Variants in HACE1 observed in about 807,000 individuals in gnomAD.
HACE1 encodes HECT domain and ankyrin repeat containing E3 ubiquitin protein ligase 1.
HACE1 carries 73 observed loss-of-function variants against 118.4 expected under a neutral mutation model. The observed-to-expected ratio is 0.62, with a 90% confidence interval of 0.51 to 0.75. The LOEUF is 0.75. Ranked by LOEUF, HACE1 falls within the 30% of genes least tolerant of loss-of-function variation. The pLI, the probability that HACE1 is intolerant of heterozygous loss-of-function variation, is 0.00. For missense variants in HACE1, 749 were observed against 1,102.2 expected (o/e 0.68, Z 4.54); for synonymous variants, 368 against 374.8 (o/e 0.98, Z 0.21).
intron 11 of HACE1, among the ~76,000 whole-genome samples, chr6:104,789,723 C>T (rs1782812849): frequency 6.6e-6 from 1 of 151,988 alleles, no homozygotes; most frequent in African/African-American, 2.4e-5. Flanking sequence ...TAATCTAACC[C>T]AATTTGAATA....
chr6:104,836,590 G>A (rs970185835), intron 5 of HACE1, among the ~76,000 whole-genome samples: 1 of 152,134 alleles, frequency 6.6e-6, no homozygotes, highest in African/African-American at 2.4e-5. Context: ...GCACACACCT[G>A]TAATCCCAGC....
chr6:104,838,530 A>G (rs1024285727), intron 5 of HACE1, among the ~76,000 whole-genome samples: 4 of 152,116 alleles, frequency 2.6e-5, no homozygotes, highest in African/African-American at 9.6e-5. Context: ...CTAGGCTCCT[A>G]TATCTCTTGC....
At chr6:104,730,931 T>C in intron 22 of HACE1, 1 of 156,494 alleles carries the variant, frequency 6.4e-6, no homozygotes. Flanking sequence ...TTTGTTTTGT[T>C]TTTTATAGTG....
chr6:104,789,863 A>G (rs1782830036), intron 11 of HACE1, among the ~76,000 whole-genome samples: 1 of 152,162 alleles, frequency 6.6e-6, no homozygotes, highest in Middle Eastern at 3.2e-3. Context: ...ACACATTAAA[A>G]ACAACTTTGT....
intron 7 of HACE1, among the ~76,000 whole-genome samples, chr6:104,806,979 G>A (rs779250646): frequency 4.7e-5 from 7 of 149,842 alleles, no homozygotes; most frequent in East Asian, 2.0e-4. Flanking sequence ...CTAAAGGTCC[G>A]TTCCTATGCT....
At position 104,744,176 on chromosome 6, in the gene HACE1, G is replaced by A; in HGVS notation, c.2497C>T (p.Gln833Ter). The A allele has an allele frequency of 6.3e-7, 1 of 1,594,492 alleles. No individual in the cohort carries two copies. The highest frequency in any genetic ancestry group is 8.6e-7 in the Non-Finnish European group (1 of 1,162,436). Residue 833 changes from glutamine (Q) to a stop codon, truncating the protein, a stop_gained, in exon 22 of 24, where the codon CAG becomes TAG. Coordinates refer to ENST00000262903, the MANE Select transcript of HACE1 (RefSeq NM_020771.4). LOFTEE classifies it high-confidence loss of function. ...ITQEERVLLL[Q>*]FVTGSSRVPH... ...ACTGCTTACCTGCCCGTAACAAACT[G>A]TAAGAGAAGAACTCTCTCCTCTTGA...
intron 7 of HACE1, among the ~76,000 whole-genome samples, chr6:104,806,041 A>C (rs892171219): frequency 6.6e-6 from 1 of 152,206 alleles, no homozygotes; most frequent in African/African-American, 2.4e-5. Context: ...ACTCTGTACC[A>C]TATATAACAA....
Position 104,791,771 on chromosome 6 carries a change from T to C in HACE1, c.924-117A>G. The C allele has an allele frequency of 5.9e-6, 4 of 677,444 alleles. No homozygotes were observed. The Admixed American group carries it at 7.5e-5, about 13-fold the overall frequency. The allele number at this position is 677,444 out of a possible 1,614,324, so 42.0% of individuals were successfully genotyped here. On this transcript the variant is annotated intron_variant, in intron 10 of 23. Coordinates refer to ENST00000262903, the MANE Select transcript of HACE1 (RefSeq NM_020771.4). Reference sequence around the variant, plus strand: ...GTTTCATATTATAATGTAACTGGAGTACAATTCCTTTCCTATCATGATAGG... The same window carrying C: ...GTTTCATATTATAATGTAACTGGAGCACAATTCCTTTCCTATCATGATAGG...
Position 104,795,586 on chromosome 6 carries a change from GT to G in HACE1, c.915del (p.Lys305AsnfsTer13). 6.3e-7 allele frequency: 1 copy of G among 1,589,624 alleles called. No individual in the cohort carries two copies. The highest frequency in any genetic ancestry group is 8.6e-7 in the Non-Finnish European group (1 of 1,157,866). On this transcript the variant is annotated frameshift_variant, in exon 10 of 24. Coordinates refer to ENST00000262903, the MANE Select transcript of HACE1 (RefSeq NM_020771.4). LOFTEE classifies it high-confidence loss of function. Reference protein sequence around the residue: ...LAEVATTNGHKLLSLSSNYDA... With the variant: ...LAEVATTNGHXLLSLSSNYDA... ...TTATTGCGAAACACTTACCTAAGCA[GT>G]TTATGACCATTTGTTGTAGCAACTT...
At chr6:104,851,777 A>G (rs1414723166) in intron 2 of HACE1, among the ~76,000 whole-genome samples, 1 of 152,186 alleles carries the variant, frequency 6.6e-6, no homozygotes, top group Non-Finnish European at 1.5e-5. Context: ...TTCTCTTTAC[A>G]TTCTTCTTCT....
At chr6:104,851,934 T>C (rs774417720) in intron 2 of HACE1, among the ~76,000 whole-genome samples, 1 of 152,064 alleles carries the variant, frequency 6.6e-6, no homozygotes. Flanking sequence ...CAAAAATAAG[T>C]AGCACATAAG....
intron 20 of HACE1, among the ~76,000 whole-genome samples, chr6:104,748,908 C>G (rs9391236): frequency 0.23 from 34,908 of 151,934 alleles, 4,167 homozygotes; most frequent in African/African-American, 0.29. Flanking sequence ...AGGGAGATGA[C>G]AGAGTGACAT....
intron 19 of HACE1, among the ~76,000 whole-genome samples, chr6:104,757,967 T>C (rs1420236974): frequency 5.3e-5 from 8 of 151,580 alleles, no homozygotes; most frequent in Non-Finnish European, 1.2e-4. Flanking sequence ...ATCAAATCAA[T>C]GAAATAAAGT....
rs955903546 is a variant in HACE1 at position 104,744,280 on chromosome 6, C to T, written c.2443-50G>A. On this transcript the variant is annotated intron_variant, in intron 21 of 23. Transcript: ENST00000262903. ...GCTCATATTTCAGAGCAATTGTAGA[C>T]TTCTCAATACCAGAGAAATATGCAA... 3.7e-6 allele frequency: 4 copies of T among 1,085,576 alleles called. No homozygotes were observed. In the South Asian group the frequency reaches 5.0e-5, roughly 14 times the overall value. 67.2% of individuals were successfully genotyped at this position (1,085,576 alleles called of 1,614,324 possible). A position where few individuals can be genotyped will look rare whatever the true frequency, so the allele number is the denominator to read the frequency against.
At chr6:104,780,316 A>C (rs771220956) in intron 14 of HACE1, 42 of 446,480 alleles carry the variant, frequency 9.4e-5, no homozygotes, top group Admixed American at 4.3e-4. Context: ...CTACACAGCC[A>C]AATGGTACAT....
intron 1 of HACE1, among the ~76,000 whole-genome samples, chr6:104,857,651 T>C (rs1275201430): frequency 7.1e-6 from 1 of 141,034 alleles, no homozygotes; most frequent in South Asian, 2.2e-4. Context: ...TATTGAAGAA[T>C]ACAAAAAAAA....
intron 7 of HACE1, among the ~76,000 whole-genome samples, chr6:104,809,939 C>A (rs375656932): frequency 3.9e-5 from 6 of 151,910 alleles, no homozygotes; most frequent in African/African-American, 1.4e-4. Context: ...AATAAGGTTT[C>A]TATTGATTAA....
Position 104,859,840 on chromosome 6 carries a change from A to G in HACE1, c.-198T>C, listed in dbSNP as rs2114445410. The G allele has an allele frequency of 1.9e-6, 1 of 523,406 alleles. No individual in the cohort carries two copies. The highest frequency in any genetic ancestry group is 3.3e-6 in the Non-Finnish European group (1 of 301,516). The allele number at this position is 523,406 out of a possible 1,614,324, so 32.4% of individuals were successfully genotyped here. ...GGCTGCTGCCGGACCGACCACCTAC[A>G]GTACACCCGCCGCCGCCTCTGCTCG... On this transcript the variant is annotated 5_prime_UTR_variant, in exon 1 of 24. Transcript: ENST00000262903.
chr6:104,759,985 C>T (rs1472250577), intron 19 of HACE1, among the ~76,000 whole-genome samples: 1 of 152,106 alleles, frequency 6.6e-6, no homozygotes, highest in Non-Finnish European at 1.5e-5. Context: ...TACACCATCC[C>T]AAGACTAAAC....
Sources: gnomAD v4.1 joint callset for allele counts (sites outside exome capture counted in the v4.1 genomes callset) on GRCh38, gnomAD v4.1.1 for gene constraint, MANE v1.5 for transcripts, NCBI Gene and HGNC (gene_info 2026-07-23, HGNC 2026-07-21) for gene names.